Variants in CYP4B1 observed in about 807,000 individuals in gnomAD.
CYP4B1 encodes the protein cytochrome P450 4B1.
In CYP4B1, 45 loss-of-function variants were observed where a neutral mutation model predicts 54.0. The observed-to-expected ratio is 0.83, with a 90% CI of 0.66 to 1.07. The LOEUF is 1.07. Among genes scored for constraint, CYP4B1 ranks in the 50% least tolerant of loss-of-function variants. The pLI is 0.00. For synonymous variants in CYP4B1, 248 were observed against 247.5 expected (o/e 1.00, Z -0.02); for missense variants, 656 against 655.4 (o/e 1.00, Z -0.01).
intron 1 of CYP4B1, among the ~76,000 whole-genome samples, chr1:46,800,238 T>TTTCCTTCCTTCCTTCCTTCCTTCCTTCC: frequency 2.4e-5 from 1 of 42,434 alleles, no homozygotes; most frequent in Non-Finnish European, 5.3e-5. Context: ...TCTTTCTTTC[T>TTTCCTTCCTTCCTTCCTTCCTTCCTTCC]TTCCTTCCTT....
intron 8 of CYP4B1, among the ~76,000 whole-genome samples, chr1:46,816,520 C>T (rs1463501705): frequency 6.6e-6 from 1 of 151,354 alleles, no homozygotes; most frequent in Non-Finnish European, 1.5e-5. Flanking sequence ...TAAAATATTG[C>T]CCTGTAGTTA....
In CYP4B1 at chr1:46,818,033, C is replaced by A. The variant is rs45482605; in HGVS notation, c.1272+4C>A. 6.2e-7 allele frequency: 1 copy of A among 1,613,964 alleles called. No homozygotes were observed. Among genetic ancestry groups the A allele is most frequent in the African/African-American group, 1.3e-5 (1 of 74,932 alleles). On this transcript the variant is annotated splice_donor_region_variant and intron_variant, in intron 10 of 11. Transcript: ENST00000371923. ...TGCTGTATGGCCCGACCCTGAGGTA[C>A]CCTTTCCCTGGGCTGGGAGATCAGA...
intron 1 of CYP4B1, among the ~76,000 whole-genome samples, chr1:46,807,396 G>A (rs1233852131): frequency 6.6e-6 from 1 of 152,166 alleles, no homozygotes; most frequent in Non-Finnish European, 1.5e-5. Context: ...TGTGACTTAA[G>A]CCTTTCCTTG....
Position 46,810,939 on chromosome 1 carries a change from C to T in CYP4B1, c.312C>T (p.Tyr104=), listed in dbSNP as rs757351548. Residue 104 remains tyrosine, a synonymous_variant, in exon 2 of 12, where the codon TAC becomes TAT. Coordinates refer to ENST00000371923, the MANE Select transcript of CYP4B1 (RefSeq NM_001099772.2). ...IYEPDYAKAV[Y]SRGDPKAPDV... Reference sequence around the variant, plus strand: ...AGCCTGACTATGCCAAAGCTGTGTACAGCCGTGGGGGTGAGGAGAGAGGAT... The same window carrying T: ...AGCCTGACTATGCCAAAGCTGTGTATAGCCGTGGGGGTGAGGAGAGAGGAT... 7 of 1,613,908 alleles carry T rather than the reference C, an allele frequency of 4.3e-6. No individual in the cohort carries two copies. The East Asian group carries it at 8.9e-5, about 21-fold the overall frequency.
At chr1:46,806,493 C>T (rs966698844) in intron 1 of CYP4B1, among the ~76,000 whole-genome samples, 5 of 152,188 alleles carry the variant, frequency 3.3e-5, no homozygotes, top group Non-Finnish European at 5.9e-5. Flanking sequence ...AAGCCAGGAT[C>T]CCTGGTCTCC....
intron 1 of CYP4B1, among the ~76,000 whole-genome samples, chr1:46,801,471 G>A (rs144223769): frequency 9.2e-5 from 14 of 152,030 alleles, no homozygotes; most frequent in Non-Finnish European, 1.8e-4. Context: ...TATGCAGAGG[G>A]CCTGGAACAC....
intron 9 of CYP4B1, 84 bp downstream of exon 9, chr1:46,817,265 C>A: frequency 1.9e-6 from 3 of 1,555,170 alleles, no homozygotes; most frequent in Non-Finnish European, 2.6e-6. Context: ...AATCTTTGCA[C>A]TTTTGGGGAA....
At chr1:46,804,031 G>A (rs1678761849) in intron 1 of CYP4B1, among the ~76,000 whole-genome samples, 1 of 152,190 alleles carries the variant, frequency 6.6e-6, no homozygotes, top group South Asian at 2.1e-4. Context: ...CAGGAGAAAG[G>A]TAAACTGGAA....
At chr1:46,818,316 T>A in intron 11 of CYP4B1, 103 bp downstream of exon 11, 1 of 1,103,832 alleles carries the variant, frequency 9.1e-7, no homozygotes, top group Non-Finnish European at 1.4e-6. Context: ...TAAAGGGGAA[T>A]CATGCTGGGT....
chr1:46,803,718 C>T lies in CYP4B1; in HGVS notation c.180+4457C>T, dbSNP rs1436356257. On this transcript the variant is annotated intron_variant, in intron 1 of 11. Transcript: ENST00000371923. Reference sequence around the variant, plus strand: ...CTCCCATGACCTGCTACATCTGGTTCTTTTTGCTCTGGTTTGCTGATTTCA... The same window carrying T: ...CTCCCATGACCTGCTACATCTGGTTTTTTTTGCTCTGGTTTGCTGATTTCA... Among the ~76,000 whole-genome samples the T allele has an allele frequency of 2.0e-5, 3 of 152,152 alleles. No homozygotes were observed. In the East Asian group the frequency reaches 5.8e-4, roughly 29 times the overall value.
chr1:46,817,245 C>G lies in CYP4B1; in HGVS notation c.1207+64C>G, dbSNP rs899158684. ...GCATGCTCCTCTGGCACCCTCTGTGCCTTTAGTCAAATCTTTGCACTTTTG... is the reference window on the plus strand; with the variant it reads ...GCATGCTCCTCTGGCACCCTCTGTGGCTTTAGTCAAATCTTTGCACTTTTG... On this transcript the variant is annotated intron_variant, in intron 9 of 11. Transcript: ENST00000371923. 6 of 1,598,132 alleles carry G rather than the reference C, an allele frequency of 3.8e-6. No individual in the cohort carries two copies. In the East Asian group the frequency reaches 1.1e-4, roughly 30 times the overall value.
chr1:46,799,564 A>C (rs1678527860), intron 1 of CYP4B1, among the ~76,000 whole-genome samples: 1 of 152,264 alleles, frequency 6.6e-6, no homozygotes, highest in African/African-American at 2.4e-5. Context: ...GCAATGACAG[A>C]AAGGCAATGG....
intron 4 of CYP4B1, among the ~76,000 whole-genome samples, chr1:46,813,010 C>G (rs1202850379): frequency 1.3e-5 from 2 of 152,200 alleles, no homozygotes; most frequent in East Asian, 3.9e-4. Flanking sequence ...CATTTTCTGT[C>G]TACCACAGCT....
intron 8 of CYP4B1, among the ~76,000 whole-genome samples, chr1:46,816,664 C>T (rs2148411734): frequency 6.6e-6 from 1 of 151,680 alleles, no homozygotes; most frequent in Admixed American, 6.6e-5. Context: ...CGTGTATCAG[C>T]CCCAGTTTCT....
At chr1:46,815,964 A>C (rs1679318775) in intron 8 of CYP4B1, among the ~76,000 whole-genome samples, 1 of 152,174 alleles carries the variant, frequency 6.6e-6, no homozygotes, top group African/African-American at 2.4e-5. Flanking sequence ...GGGGCTAGGC[A>C]CACAGCAGGG....
At position 46,814,327 on chromosome 1, in the gene CYP4B1, G is replaced by T. The variant is rs1356806031; in HGVS notation, c.882+12G>T. On this transcript the variant is annotated intron_variant, in intron 7 of 11. Coordinates refer to ENST00000371923, the MANE Select transcript of CYP4B1 (RefSeq NM_001099772.2). Reference sequence around the variant, plus strand: ...TCCTGGGTGCCCGGGTGAGTACATTGTTGCCCACCCCTACCTGAGGACTGG... The same window carrying T: ...TCCTGGGTGCCCGGGTGAGTACATTTTTGCCCACCCCTACCTGAGGACTGG... 34 of 1,597,832 alleles carry T rather than the reference G, an allele frequency of 2.1e-5. No individual in the cohort carries two copies. The highest frequency in any genetic ancestry group is 2.7e-5 in the Non-Finnish European group (31 of 1,167,074).
chr1:46,807,311 G>A, intron 1 of CYP4B1, among the ~76,000 whole-genome samples: 1 of 152,132 alleles, frequency 6.6e-6, no homozygotes, highest in Non-Finnish European at 1.5e-5. Context: ...CTGATAAGGA[G>A]GGAAGTGGGG....
intron 11 of CYP4B1, 98 bp from the exon 12 acceptor site, chr1:46,818,533 C>G: frequency 7.8e-7 from 1 of 1,280,748 alleles, no homozygotes; most frequent in Non-Finnish European, 1.1e-6. Context: ...GTTATTCATC[C>G]AAAAACAGTT....
chr1:46,815,185 A>G lies in CYP4B1; in HGVS notation c.994A>G (p.Met332Val). Residue 332 changes from methionine to valine, a missense_variant, in exon 8 of 12, where the codon ATG becomes GTG. Transcript: ENST00000371923. ...TGGTATCTCCTGGTTTCTCTACTGC[A>G]TGGCCCTGTACCCTGAGCACCAGCA... is the stretch of plus-strand genomic sequence containing the variant. ...TSGISWFLYCMALYPEHQHRC... is the reference protein window; with the variant it reads ...TSGISWFLYCVALYPEHQHRC... 6.2e-7 allele frequency: 1 copy of G among 1,613,528 alleles called. No individual in the cohort carries two copies. Among genetic ancestry groups the G allele is most frequent in the Non-Finnish European group, 8.5e-7 (1 of 1,179,648 alleles).
Sources: allele counts gnomAD v4.1 joint callset (sites outside exome capture counted in the v4.1 genomes callset), GRCh38; gene constraint gnomAD v4.1.1; transcripts MANE v1.5; gene names NCBI Gene and HGNC (gene_info 2026-07-23, HGNC 2026-07-21).